DAB1: variants seen among roughly 807,000 people sequenced by gnomAD.
DAB1 encodes the protein disabled homolog 1.
Under a neutral mutation model 64.6 loss-of-function variants are expected in DAB1, and 15 were observed. The observed-to-expected ratio is 0.23, with a 90% CI of 0.16 to 0.36. The LOEUF (loss-of-function observed/expected upper bound fraction) is 0.36, where lower values mean the gene tolerates loss of function less well. Ranked by LOEUF, DAB1 falls within the 10% of genes least tolerant of loss-of-function variation. DAB1 has a pLI of 1.00. For missense variants in DAB1, 596 were observed against 706.7 expected, an observed-to-expected ratio of 0.84 and a Z score of 1.78; for synonymous variants, 235 against 251.9, an observed-to-expected ratio of 0.93 and a Z score of 0.64.
At chr1:58,261,578 C>T (rs532092969) in intron 4 of DAB1, among the ~76,000 whole-genome samples, 1 of 151,886 alleles carries the variant, frequency 6.6e-6, no homozygotes, top group African/African-American at 2.4e-5. Flanking sequence ...CTTTAATTCC[C>T]CCGAGAAGGG....
chr1:57,903,427 C>T (rs1644505001), intron 5 of DAB1, among the ~76,000 whole-genome samples: 1 of 152,060 alleles, frequency 6.6e-6, no homozygotes, highest in African/African-American at 2.4e-5. Flanking sequence ...TGTTTTAATT[C>T]ATTGCTTGCT....
chr1:57,589,741 A>G (rs1645421918), intron 7 of DAB1, among the ~76,000 whole-genome samples: 2 of 152,200 alleles, frequency 1.3e-5, no homozygotes, highest in Non-Finnish European at 2.9e-5. Flanking sequence ...TCAGCAACAG[A>G]GTGAGACTCT....
intron 2 of DAB1, among the ~76,000 whole-genome samples, chr1:57,275,373 A>G (rs1671376911): frequency 6.6e-6 from 1 of 152,256 alleles, no homozygotes; most frequent in Non-Finnish European, 1.5e-5. Context: ...GCGGCAGTAG[A>G]ATTCTAAGAA....
intron 7 of DAB1, among the ~76,000 whole-genome samples, chr1:57,434,583 G>A (rs778255164): frequency 1.2e-4 from 19 of 152,158 alleles, no homozygotes; most frequent in South Asian, 2.1e-4. Context: ...GTTTTGTACC[G>A]TTTAACGACA....
intron 3 of DAB1, among the ~76,000 whole-genome samples, chr1:58,380,565 G>A (rs1343837243): frequency 6.6e-6 from 1 of 152,230 alleles, no homozygotes; most frequent in Non-Finnish European, 1.5e-5. Flanking sequence ...TCTCTTTGAT[G>A]TAGTAGGTTA....
intron 6 of DAB1, among the ~76,000 whole-genome samples, chr1:57,730,172 CAA>C (rs1647349295): frequency 6.6e-6 from 1 of 152,168 alleles, no homozygotes; most frequent in Non-Finnish European, 1.5e-5. Context: ...TGTCATTGGG[CAA>C]AAGTGTTCAG....
At chr1:57,739,762 T>C (rs2101787936) in intron 6 of DAB1, among the ~76,000 whole-genome samples, 1 of 151,522 alleles carries the variant, frequency 6.6e-6, no homozygotes, top group East Asian at 2.0e-4. Flanking sequence ...TACTTAACAG[T>C]TTTTCAAATG....
At chr1:57,984,098 A>G (rs1322758491) in intron 5 of DAB1, among the ~76,000 whole-genome samples, 1 of 151,782 alleles carries the variant, frequency 6.6e-6, no homozygotes, top group Admixed American at 6.6e-5. Flanking sequence ...AGCACTTATA[A>G]ATTGTTGTAA....
At chr1:57,330,655 G>T (rs1274172558) in intron 1 of DAB1, among the ~76,000 whole-genome samples, 1 of 152,186 alleles carries the variant, frequency 6.6e-6, no homozygotes, top group African/African-American at 2.4e-5. Context: ...TCGACGTGAT[G>T]TGCTTCTTGA....
intron 9 of DAB1, among the ~76,000 whole-genome samples, chr1:57,035,468 G>T (rs1005843560): frequency 3.3e-5 from 5 of 152,210 alleles, no homozygotes; most frequent in African/African-American, 1.2e-4. Context: ...TCCTGGGAAA[G>T]GAGAGGTGGC....
At chr1:58,258,652 G>A (rs1214693331) in intron 4 of DAB1, among the ~76,000 whole-genome samples, 2 of 152,200 alleles carry the variant, frequency 1.3e-5, no homozygotes, top group Non-Finnish European at 2.9e-5. Flanking sequence ...GAGACTGTCC[G>A]CTGGAGAAAG....
At chr1:58,140,687 G>A (rs1238517295) in intron 5 of DAB1, among the ~76,000 whole-genome samples, 2 of 152,108 alleles carry the variant, frequency 1.3e-5, no homozygotes, top group African/African-American at 4.8e-5. Flanking sequence ...TGTTCATTTT[G>A]TTTTGTTCTG....
At chr1:58,392,637 A>G (rs1644485391) in intron 3 of DAB1, among the ~76,000 whole-genome samples, 1 of 152,190 alleles carries the variant, frequency 6.6e-6, no homozygotes, top group Non-Finnish European at 1.5e-5. Flanking sequence ...GAAAGCTACC[A>G]TCTCCTTTCT....
intron 7 of DAB1, among the ~76,000 whole-genome samples, chr1:57,647,796 G>A (rs1006711422): frequency 6.6e-6 from 1 of 152,170 alleles, no homozygotes; most frequent in African/African-American, 2.4e-5. Context: ...ATCCAACAGA[G>A]GCTGAAAGGA....
chr1:58,123,944 C>G (rs1012442962), intron 5 of DAB1, among the ~76,000 whole-genome samples: 8 of 152,064 alleles, frequency 5.3e-5, no homozygotes, highest in African/African-American at 1.9e-4. Flanking sequence ...TGGTGCAAGA[C>G]AGTCAGTGTC....
At chr1:57,552,675 A>T (rs1644927929) in intron 7 of DAB1, among the ~76,000 whole-genome samples, 1 of 152,168 alleles carries the variant, frequency 6.6e-6, no homozygotes, top group Non-Finnish European at 1.5e-5. Context: ...CAAAAGATAC[A>T]CTTTTAAGGA....
At chr1:57,050,031 C>T (rs1410969469) in intron 9 of DAB1, among the ~76,000 whole-genome samples, 1 of 152,174 alleles carries the variant, frequency 6.6e-6, no homozygotes, top group African/African-American at 2.4e-5. Flanking sequence ...TGCCTGCTGG[C>T]TCTGCTAACA....
rs1455639801 is a variant in DAB1, at chr1:58,377,604, C to T, written n.258-34201G>A. On this transcript the variant is annotated intron_variant and non_coding_transcript_variant, in intron 3 of 20. Transcript: ENST00000485760. The stretch of plus-strand genomic sequence containing the variant: ...GTAACCCGACCTTTCTCTCTAGCTG[C>T]CCTTAACATTTTTTCCTTCATTTCA... 4.4e-5 allele frequency among the ~76,000 whole-genome samples: 6 copies of T among 137,848 alleles called. 2 individuals carry two copies. Among genetic ancestry groups the T allele is most frequent in the Non-Finnish European group, 9.7e-5 (6 of 62,104 alleles). The allele number at this position is 137,848 out of a possible 152,430, so 90.4% of individuals were successfully genotyped here.
At position 56,996,321 on chromosome 1, in the gene DAB1, T is replaced by C. The variant is rs1330256692; in HGVS notation, c.*1823A>G. On this transcript the variant is annotated 3_prime_UTR_variant, in exon 15 of 15. Coordinates refer to ENST00000371236, the MANE Select transcript of DAB1 (RefSeq NM_001365792.1). ...TTAATCACATGAATCTTTAAAGTTTTCTTCTTAGTGTTAAAACACTTTCAA... is the reference window on the plus strand; with the variant it reads ...TTAATCACATGAATCTTTAAAGTTTCCTTCTTAGTGTTAAAACACTTTCAA... 1 of 152,206 alleles carries C rather than the reference T, an allele frequency of 6.6e-6. No homozygotes were observed. Among genetic ancestry groups the C allele is most frequent in the Non-Finnish European group, 1.5e-5 (1 of 68,042 alleles). The allele number at this position is 152,206 out of a possible 1,614,324, so 9.4% of individuals were successfully genotyped here. A position where few individuals can be genotyped will look rare whatever the true frequency, so the allele number is the denominator to read the frequency against.
Sources: allele counts gnomAD v4.1 joint callset (sites outside exome capture counted in the v4.1 genomes callset), GRCh38; gene constraint gnomAD v4.1.1; transcripts MANE v1.5; gene names NCBI Gene and HGNC (gene_info 2026-07-23, HGNC 2026-07-21).